The following SGSM1 variants were observed in gnomAD, a reference collection of about 807,000 sequenced individuals.
The protein encoded by SGSM1 is small G protein signaling modulator 1, also known as RUN and TBC1 domain containing 2.
In SGSM1, 73 loss-of-function variants were observed where a neutral mutation model predicts 133.8. That is an observed-to-expected ratio of 0.55 (90% confidence interval 0.45 to 0.66). SGSM1 has a LOEUF of 0.66. Ranked by LOEUF, SGSM1 falls within the 30% of genes least tolerant of loss-of-function variation. SGSM1 has a pLI of 0.00. For missense variants in SGSM1, 1,213 were observed against 1,448.1 expected (o/e 0.84, Z 2.64); for synonymous variants, 563 against 573.0 (o/e 0.98, Z 0.25).
chr22:24,848,423 TA>T (rs199560795), intron 4 of SGSM1, among the ~76,000 whole-genome samples: 10 of 149,304 alleles, frequency 6.7e-5, no homozygotes, highest in Admixed American at 2.0e-4. Flanking sequence ...GACTAGAAGT[TA>T]AAAAAAAAAC....
At chr22:24,886,825 G>C (rs1057358207) in intron 16 of SGSM1, 97 bp downstream of exon 16, 1 of 1,414,820 alleles carries the variant, frequency 7.1e-7, no homozygotes, top group African/African-American at 1.4e-5. Flanking sequence ...ACCAAGGAAG[G>C]GGAGGGAGAT....
At chr22:24,848,980 C>T (rs1307760304) in intron 4 of SGSM1, among the ~76,000 whole-genome samples, 2 of 152,222 alleles carry the variant, frequency 1.3e-5, no homozygotes, top group Non-Finnish European at 2.9e-5. Context: ...AGTCCATCTG[C>T]TAAGTTCCCA....
intron 19 of SGSM1, among the ~76,000 whole-genome samples, chr22:24,899,773 G>T (rs1292307682): frequency 6.6e-6 from 1 of 151,834 alleles, no homozygotes; most frequent in Non-Finnish European, 1.5e-5. Flanking sequence ...TGCCTGCCTT[G>T]GCCTCCCAAA....
rs143521945 is a variant in SGSM1, at chr22:24,898,432, C to G, written c.2483C>G (p.Ala828Gly). ...AGCGAGACAGAGAAACATGGCCAGG[C>G]GGACAGTGAGGACAACCTCTCGGAG... The part of the protein sequence containing the change: ...RSSETEKHGQ[A>G]DSEDNLSEEP... Residue 828 changes from alanine (A) to glycine (G), a missense_variant, in exon 19 of 25, where the codon GCG becomes GGG. Ala to Gly is a moderately conservative substitution (Grantham distance 60, BLOSUM62 0). Transcript: ENST00000400358. 6.2e-7 allele frequency: 1 copy of G among 1,613,596 alleles called. No homozygotes were observed. The highest frequency in any genetic ancestry group is 8.5e-7 in the Non-Finnish European group (1 of 1,179,838).
intron 14 of SGSM1, 26 bp from the exon 15 acceptor site, chr22:24,884,027 G>T: frequency 6.3e-7 from 1 of 1,577,038 alleles, no homozygotes; most frequent in East Asian, 2.3e-5. Flanking sequence ...GGTGGATGAT[G>T]ACACTTTCCC....
intron 2 of SGSM1, among the ~76,000 whole-genome samples, chr22:24,837,580 C>CA: frequency 1.7e-5 from 1 of 57,508 alleles, no homozygotes; most frequent in African/African-American, 1.6e-4. Flanking sequence ...AAAGGGAGAC[C>CA]CCCCCCCCCC....
chr22:24,869,447 G>A (rs1931654658), intron 12 of SGSM1, among the ~76,000 whole-genome samples: 2 of 152,190 alleles, frequency 1.3e-5, no homozygotes, highest in African/African-American at 4.8e-5. Context: ...CTGAGCCTGG[G>A]GAGGTCGAGG....
intron 21 of SGSM1, among the ~76,000 whole-genome samples, chr22:24,906,735 C>G (rs1177825470): frequency 6.6e-6 from 1 of 152,058 alleles, no homozygotes; most frequent in Non-Finnish European, 1.5e-5. Context: ...GAGTTTGAGA[C>G]CAGCCTGACC....
chr22:24,858,097 T>C (rs1183422785), intron 8 of SGSM1, among the ~76,000 whole-genome samples: 1 of 152,116 alleles, frequency 6.6e-6, no homozygotes, highest in African/African-American at 2.4e-5. Context: ...CCACCTCAGC[T>C]TCCTGAGTAG....
intron 2 of SGSM1, among the ~76,000 whole-genome samples, chr22:24,809,180 A>C (rs572545194): frequency 6.6e-6 from 1 of 152,002 alleles, no homozygotes; most frequent in African/African-American, 2.4e-5. Flanking sequence ...TCCTTTGCTT[A>C]CCTCTTTGGG....
intron 4 of SGSM1, 76 bp from the exon 5 acceptor site, chr22:24,850,204 T>C: frequency 7.2e-7 from 1 of 1,385,808 alleles, no homozygotes; most frequent in South Asian, 1.4e-5. Flanking sequence ...AGATTGAACA[T>C]TCTCCCATTT....
chr22:24,849,412 G>T (rs1481023864), intron 4 of SGSM1, among the ~76,000 whole-genome samples: 1 of 152,140 alleles, frequency 6.6e-6, no homozygotes, highest in African/African-American at 2.4e-5. Flanking sequence ...AATTAGCTGG[G>T]CGTGGTGGTG....
rs771321195 is a variant in SGSM1 at position 24,912,688 on chromosome 22, A to T, written c.2864A>T (p.Asn955Ile). 6.8e-6 allele frequency: 11 copies of T among 1,613,734 alleles called. No homozygotes were observed. The highest frequency in any genetic ancestry group is 1.3e-5 in the African/African-American group (1 of 74,928). Residue 955 changes from asparagine to isoleucine, a missense_variant, in exon 22 of 25, where the codon AAC (asparagine) becomes ATC (isoleucine). By Grantham distance (149) the Asn-to-Ile change is moderately radical (BLOSUM62 -3). Transcript: ENST00000400358. ...TTCACGGAGCTCATGAAGAGGATGA[A>T]CCAGAACTTCCCCCACGGAGGCGCC... ...SCFTELMKRM[N>I]QNFPHGGAMD...
intron 2 of SGSM1, among the ~76,000 whole-genome samples, chr22:24,839,743 T>G (rs1399737542): frequency 6.6e-6 from 1 of 152,188 alleles, no homozygotes; most frequent in Non-Finnish European, 1.5e-5. Flanking sequence ...ATTCATCTTA[T>G]CTAGGTTATC....
intron 5 of SGSM1, 76 bp from the exon 6 acceptor site, chr22:24,854,920 G>T (rs1425076814): frequency 8.4e-7 from 1 of 1,192,808 alleles, no homozygotes; most frequent in Non-Finnish European, 1.2e-6. Context: ...TGACACTGGG[G>T]ATTGAACTCT....
At chr22:24,863,459 C>T (rs1043119198) in intron 9 of SGSM1, among the ~76,000 whole-genome samples, 5 of 151,982 alleles carry the variant, frequency 3.3e-5, no homozygotes, top group Admixed American at 6.6e-5. Flanking sequence ...GCCCGGCCAT[C>T]GTAGGCGCTT....
intron 12 of SGSM1, among the ~76,000 whole-genome samples, chr22:24,869,228 C>T (rs371952201): frequency 3.3e-5 from 5 of 152,206 alleles, no homozygotes; most frequent in South Asian, 4.1e-4. Context: ...GTAAGGCGGC[C>T]GGGCATGGTG....
chr22:24,828,994 C>A (rs906025543), intron 2 of SGSM1, among the ~76,000 whole-genome samples: 2 of 151,906 alleles, frequency 1.3e-5, no homozygotes, highest in Non-Finnish European at 2.9e-5. Context: ...GAGATCGAGA[C>A]AATCCTGGCT....
intron 12 of SGSM1, among the ~76,000 whole-genome samples, chr22:24,872,720 C>T (rs963895774): frequency 3.3e-5 from 5 of 152,094 alleles, no homozygotes; most frequent in African/African-American, 1.2e-4. Flanking sequence ...AGATTCGAGA[C>T]CATCCTGGCT....
Sources: allele counts gnomAD v4.1 joint callset (sites outside exome capture counted in the v4.1 genomes callset), GRCh38; gene constraint gnomAD v4.1.1; transcripts MANE v1.5; gene names NCBI Gene and HGNC (gene_info 2026-07-23, HGNC 2026-07-21).